ATP2B1: variants seen among roughly 807,000 people sequenced by gnomAD.
ATP2B1 encodes the protein ATPase plasma membrane Ca2+ transporting 1.
ATP2B1 carries 14 observed loss-of-function variants against 124.2 expected under a neutral mutation model. The ratio of observed to expected loss-of-function variants is 0.11; its 90% CI spans 0.07 to 0.18. The LOEUF (loss-of-function observed/expected upper bound fraction) is 0.18. Among genes scored for constraint, ATP2B1 ranks in the 10% least tolerant of loss-of-function variants. The pLI, the probability that ATP2B1 is intolerant of heterozygous loss-of-function variation, is 1.00. For missense variants in ATP2B1, 763 were observed against 1,466.1 expected (o/e 0.52, Z 7.83); for synonymous variants, 449 against 492.4 (o/e 0.91, Z 1.17).
At chr12:89,654,102 T>C (rs1323769608) in intron 2 of ATP2B1, among the ~76,000 whole-genome samples, 3 of 152,210 alleles carry the variant, frequency 2.0e-5, no homozygotes, top group Non-Finnish European at 4.4e-5. Flanking sequence ...GAGAATAGCA[T>C]ACTAATGTAC....
intron 1 of ATP2B1, among the ~76,000 whole-genome samples, chr12:89,685,152 G>A (rs935842250): frequency 1.3e-5 from 2 of 151,968 alleles, no homozygotes; most frequent in Non-Finnish European, 2.9e-5. Context: ...CCAAGAGTGG[G>A]ACATTTGACC....
At chr12:89,645,948 G>A (rs980568982) in intron 2 of ATP2B1, among the ~76,000 whole-genome samples, 14 of 152,246 alleles carry the variant, frequency 9.2e-5, no homozygotes, top group African/African-American at 3.4e-4. Flanking sequence ...TGCTTATAAA[G>A]TATAGATGAT....
At chr12:89,645,494 T>C (rs1186885673) in intron 2 of ATP2B1, among the ~76,000 whole-genome samples, 1 of 152,066 alleles carries the variant, frequency 6.6e-6, no homozygotes, top group African/African-American at 2.4e-5. Flanking sequence ...ACAAGTACAA[T>C]GAAGACAATA....
intron 5 of ATP2B1, among the ~76,000 whole-genome samples, chr12:89,632,835 TTA>T: frequency 6.6e-6 from 1 of 152,296 alleles, no homozygotes; most frequent in African/African-American, 2.4e-5. Flanking sequence ...TGTGGAAAAT[TTA>T]TAGAGTTCTC....
intron 1 of ATP2B1, among the ~76,000 whole-genome samples, chr12:89,695,054 G>A (rs1301513900): frequency 2.4e-4 from 1 of 4,176 alleles, no homozygotes; most frequent in Non-Finnish European, 8.6e-4. Flanking sequence ...GCAAGATGCT[G>A]TTTCAAAAAA....
chr12:89,628,126 G>A (rs765217825), intron 6 of ATP2B1, among the ~76,000 whole-genome samples: 22 of 152,078 alleles, frequency 1.4e-4, no homozygotes, highest in Non-Finnish European at 2.6e-4. Flanking sequence ...CGGGCAGTCG[G>A]GTGTGGTGGC....
At position 89,621,603 on chromosome 12, in the gene ATP2B1, C is replaced by G; in HGVS notation, c.1533G>C (p.Leu511Phe). 1.2e-6 allele frequency: 2 copies of G among 1,608,974 alleles called. No homozygotes were observed. The highest frequency in any genetic ancestry group is 1.7e-6 in the Non-Finnish European group (2 of 1,176,594). Reference protein sequence around the residue: ...PEPEAIPPNILSYLVTGISVN... With the variant: ...PEPEAIPPNIFSYLVTGISVN... ...CAGAAATTCCTGTTACAAGATAGGA[C>G]AAAATATTTGGTGGAATAGCTTCTG... The change falls in exon 10 of 21, where the codon TTG becomes TTC. Residue 511 changes from leucine (L) to phenylalanine (F), a missense_variant. Leu to Phe is a conservative substitution (Grantham distance 22). Around this residue, in one of 7 missense-constraint regions of ATP2B1, gnomAD observed 392 missense variants for 776.6 expected, o/e 0.50. Coordinates refer to ENST00000428670, the MANE Select transcript of ATP2B1 (RefSeq NM_001366521.1).
At chr12:89,627,740 A>C (rs1349533660) in intron 6 of ATP2B1, 24 bp from the exon 7 acceptor site, 2 of 1,611,732 alleles carry the variant, frequency 1.2e-6, no homozygotes, top group Admixed American at 3.3e-5. Context: ...ATGGGAATTA[A>C]AGCTTTCCAA....
chr12:89,666,483 T>C (rs189571250), intron 1 of ATP2B1, among the ~76,000 whole-genome samples: 1 of 152,366 alleles, frequency 6.6e-6, no homozygotes, highest in East Asian at 1.9e-4. Context: ...CTGAGTCTTG[T>C]GTAAACATTC....
intron 19 of ATP2B1, among the ~76,000 whole-genome samples, chr12:89,599,729 T>TA (rs138476454): frequency 2.0e-5 from 3 of 152,148 alleles, no homozygotes; most frequent in Non-Finnish European, 4.4e-5. Flanking sequence ...ATAAAATTTT[T>TA]AAAAAAATCA....
At chr12:89,592,938 C>T (rs748494005) in intron 20 of ATP2B1, among the ~76,000 whole-genome samples, 4 of 151,600 alleles carry the variant, frequency 2.6e-5, no homozygotes, top group African/African-American at 4.8e-5. Flanking sequence ...GGTCCATGAT[C>T]CACACTTGGA....
intron 12 of ATP2B1, chr12:89,611,574 A>C: frequency 2.3e-6 from 1 of 440,688 alleles, no homozygotes; most frequent in Non-Finnish European, 3.7e-6. Flanking sequence ...CCACTGCCAG[A>C]CTTAGCTCAG....
chr12:89,615,274 T>C (rs1878759899), intron 12 of ATP2B1, among the ~76,000 whole-genome samples: 1 of 152,210 alleles, frequency 6.6e-6, no homozygotes, highest in Non-Finnish European at 1.5e-5. Flanking sequence ...CATTACTTTA[T>C]TTCATTACAC....
intron 2 of ATP2B1, among the ~76,000 whole-genome samples, chr12:89,646,399 C>T (rs1233018522): frequency 1.3e-5 from 2 of 152,066 alleles, no homozygotes; most frequent in Non-Finnish European, 2.9e-5. Context: ...GAGGCTACAG[C>T]GTTGGAGCAC....
At chr12:89,698,219 A>G (rs1290916619) in intron 1 of ATP2B1, among the ~76,000 whole-genome samples, 1 of 152,228 alleles carries the variant, frequency 6.6e-6, no homozygotes, top group Non-Finnish European at 1.5e-5. Flanking sequence ...ACTCGATAAT[A>G]GGAAGAGACT....
chr12:89,707,209 G>T (rs1008147446), intron 1 of ATP2B1, among the ~76,000 whole-genome samples: 18 of 152,120 alleles, frequency 1.2e-4, no homozygotes, highest in Non-Finnish European at 2.1e-4. Flanking sequence ...CTGGCATCGG[G>T]GCAAGTGGTG....
At chr12:89,668,834 T>C (rs1302293774) in intron 1 of ATP2B1, among the ~76,000 whole-genome samples, 3 of 152,168 alleles carry the variant, frequency 2.0e-5, no homozygotes, top group South Asian at 2.1e-4. Flanking sequence ...AGATTTCCCA[T>C]CTCCTTTTTT....
rs188420331 is a variant in ATP2B1 at position 89,683,675 on chromosome 12, C to T, written c.-222+24921G>A. On this transcript the variant is annotated intron_variant, in intron 1 of 20. Coordinates refer to ENST00000428670, the MANE Select transcript of ATP2B1 (RefSeq NM_001366521.1). ...GGAGAGAACAAGTCACCCCGATGTC[C>T]CCAACCCAAATTTCTGACTGAGGAT... 2.3e-3 allele frequency among the ~76,000 whole-genome samples: 350 copies of T among 152,228 alleles called. 5 individuals carry two copies. The highest frequency in any genetic ancestry group is 8.2e-3 in the African/African-American group (342 of 41,524).
intron 1 of ATP2B1, among the ~76,000 whole-genome samples, chr12:89,694,072 A>G (rs1890845498): frequency 6.6e-6 from 1 of 152,214 alleles, no homozygotes; most frequent in South Asian, 2.1e-4. Flanking sequence ...AATTAGAGGA[A>G]TGTCATGGTA....
Sources: gnomAD v4.1 joint callset for allele counts (sites outside exome capture counted in the v4.1 genomes callset) on GRCh38, gnomAD v4.1.1 for gene constraint, gnomAD v4.1.1 regional missense constraint, MANE v1.5 for transcripts, NCBI Gene and HGNC (gene_info 2026-07-23, HGNC 2026-07-21) for gene names.